HTR2C: variants seen among roughly 807,000 people sequenced by gnomAD.
HTR2C encodes 5-hydroxytryptamine receptor 2C.
A neutral mutation model predicts 21.0 loss-of-function variants in HTR2C; 5 were observed. The observed-to-expected ratio is 0.24, with a 90% CI of 0.12 to 0.50. HTR2C has a LOEUF of 0.50. Ranked by LOEUF, HTR2C falls within the 20% of genes least tolerant of loss-of-function variation. HTR2C has a pLI of 0.98. For synonymous variants in HTR2C, 150 were observed against 145.3 expected (o/e 1.03, Z -0.23); for missense variants, 271 against 371.2 (o/e 0.73, Z 2.22).
intron 5 of HTR2C, among the ~76,000 whole-genome samples, chrX:114,849,728 C>A (rs2070900995): frequency 8.9e-6 from 1 of 112,009 alleles, no homozygotes; most frequent in Non-Finnish European, 1.9e-5. Flanking sequence ...TGAGAGAAAT[C>A]TTGGGCCTTA....
At chrX:114,593,823 G>A (rs1556391804) in intron 1 of HTR2C, among the ~76,000 whole-genome samples, 1 of 111,565 alleles carries the variant, frequency 9.0e-6, no homozygotes, top group African/African-American at 3.3e-5. Flanking sequence ...TTCTAATTCT[G>A]AAAATCCACT....
At chrX:114,805,950 TAC>T (rs1351064598) in intron 4 of HTR2C, among the ~76,000 whole-genome samples, 3 of 69,281 alleles carry the variant, frequency 4.3e-5, no homozygotes, top group African/African-American at 1.4e-4. Flanking sequence ...CATATATATA[TAC>T]ACCATATATA....
chrX:114,713,284 T>C (rs1287869026), intron 2 of HTR2C, among the ~76,000 whole-genome samples: 1 of 111,558 alleles, frequency 9.0e-6, no homozygotes, highest in Non-Finnish European at 1.9e-5. Context: ...ATTGTGGCTA[T>C]ATTACTGCAA....
intron 5 of HTR2C, among the ~76,000 whole-genome samples, chrX:114,858,851 T>G (rs1403972549): frequency 9.0e-6 from 1 of 110,920 alleles, no homozygotes; most frequent in African/African-American, 3.3e-5. Flanking sequence ...TCCCTTTTAT[T>G]CTATATTTTC....
intron 2 of HTR2C, among the ~76,000 whole-genome samples, chrX:114,668,506 A>G (rs1411969774): frequency 9.0e-6 from 1 of 111,698 alleles, no homozygotes; most frequent in African/African-American, 3.3e-5. Flanking sequence ...TTCTATAATT[A>G]TTTTTAAAAT....
intron 2 of HTR2C, among the ~76,000 whole-genome samples, chrX:114,689,208 G>GTGTGTATATATATATATA (rs1556414750): frequency 2.7e-5 from 2 of 72,740 alleles, no homozygotes; most frequent in African/African-American, 1.1e-4. Context: ...GTATGTATGC[G>GTGTGTATATATATATATA]TATATATATA....
chrX:114,776,597 G>A, intron 4 of HTR2C: 1 of 522,377 alleles, frequency 1.9e-6, no homozygotes, highest in Non-Finnish European at 3.5e-6. Context: ...GGGGTTCATT[G>A]CAGCTTGATT....
intron 4 of HTR2C, among the ~76,000 whole-genome samples, chrX:114,811,890 G>A (rs1172713048): frequency 9.0e-6 from 1 of 111,427 alleles, no homozygotes; most frequent in African/African-American, 3.3e-5. Context: ...TCTTCCTAGT[G>A]TCACGTTTTT....
At chrX:114,879,529 T>C (rs2071164538) in intron 5 of HTR2C, among the ~76,000 whole-genome samples, 2 of 110,015 alleles carry the variant, frequency 1.8e-5, no homozygotes, top group Non-Finnish European at 3.8e-5. Context: ...TTAGTGGTAA[T>C]TTGTGAGATT....
chrX:114,697,675 C>A (rs978556322), intron 2 of HTR2C, among the ~76,000 whole-genome samples: 1 of 112,517 alleles, frequency 8.9e-6, no homozygotes, highest in South Asian at 3.6e-4. Context: ...CTGTTCTTCA[C>A]CCCTGTTCTC....
intron 4 of HTR2C, among the ~76,000 whole-genome samples, chrX:114,808,182 T>C (rs2070497590): frequency 9.0e-6 from 1 of 111,065 alleles, no homozygotes; most frequent in African/African-American, 3.3e-5. Context: ...TTCAATTGTT[T>C]TAATTTTTTT....
intron 2 of HTR2C, among the ~76,000 whole-genome samples, chrX:114,640,132 G>A (rs1930038546): frequency 9.0e-6 from 1 of 111,021 alleles, no homozygotes; most frequent in South Asian, 3.7e-4. Flanking sequence ...TATATGAAAG[G>A]TATTTTCCAT....
chrX:114,819,696 T>C (rs781790575), intron 4 of HTR2C, among the ~76,000 whole-genome samples: 74 of 112,690 alleles, frequency 6.6e-4, no homozygotes, highest in African/African-American at 2.4e-3. Context: ...TGGAGAAAGC[T>C]AATGAAATCA....
chrX:114,696,852 A>AT (rs1932294167), intron 2 of HTR2C, among the ~76,000 whole-genome samples: 1 of 111,257 alleles, frequency 9.0e-6, no homozygotes, highest in Non-Finnish European at 1.9e-5. Flanking sequence ...CTTAAAGCAA[A>AT]GAAAATAATG....
chrX:114,712,638 G>A (rs1932908079), intron 2 of HTR2C, among the ~76,000 whole-genome samples: 1 of 111,929 alleles, frequency 8.9e-6, no homozygotes, highest in Non-Finnish European at 1.9e-5. Context: ...CCTATATTTA[G>A]TGAATCATCA....
chrX:114,650,464 A>T (rs1337262140), intron 2 of HTR2C, among the ~76,000 whole-genome samples: 1 of 111,508 alleles, frequency 9.0e-6, no homozygotes, highest in East Asian at 2.8e-4. Flanking sequence ...CACTCACCTT[A>T]AAGTCATTTG....
At chrX:114,852,327 A>T (rs1311267295) in intron 5 of HTR2C, among the ~76,000 whole-genome samples, 3 of 110,238 alleles carry the variant, frequency 2.7e-5, no homozygotes, top group Admixed American at 9.8e-5. Context: ...AACTAGGCAA[A>T]TAAAATACTC....
At chrX:114,686,005 A>G (rs191204776) in intron 2 of HTR2C, among the ~76,000 whole-genome samples, 279 of 111,648 alleles carry the variant, frequency 2.5e-3, no homozygotes, top group African/African-American at 8.4e-3. Flanking sequence ...TCTGAAGGGC[A>G]GTTGATATAG....
At chrX:114,651,999 C>A (rs945073702) in intron 2 of HTR2C, among the ~76,000 whole-genome samples, 1 of 111,423 alleles carries the variant, frequency 9.0e-6, no homozygotes, top group Non-Finnish European at 1.9e-5. Flanking sequence ...TAATTGAAAT[C>A]TCCATAGTAT....
Sources: allele counts gnomAD v4.1 joint callset (sites outside exome capture counted in the v4.1 genomes callset), GRCh38; gene constraint gnomAD v4.1.1; transcripts MANE v1.5; gene names NCBI Gene and HGNC (gene_info 2026-07-23, HGNC 2026-07-21).